Variants in INPP4B observed in about 807,000 individuals in gnomAD.
INPP4B encodes the protein inositol polyphosphate 4-phosphatase type II.
A neutral mutation model predicts 122.5 loss-of-function variants in INPP4B; 55 were observed. The ratio of observed to expected loss-of-function variants is 0.45; its 90% CI spans 0.36 to 0.56. INPP4B has a LOEUF of 0.56. Ranked by LOEUF, INPP4B falls within the 20% of genes least tolerant of loss-of-function variation. The probability of loss-of-function intolerance (pLI) is 0.00; values close to 1 mark genes in which losing one functional copy is unlikely to be tolerated. For synonymous variants in INPP4B, 403 were observed against 388.7 expected (o/e 1.04, Z -0.43); for missense variants, 1,000 against 1,097.7 (o/e 0.91, Z 1.26).
At chr4:142,640,543 T>C (rs987424647) in intron 2 of INPP4B, among the ~76,000 whole-genome samples, 1 of 151,978 alleles carries the variant, frequency 6.6e-6, no homozygotes, top group South Asian at 2.1e-4. Flanking sequence ...TACAGGGATA[T>C]AACATCAACA....
intron 8 of INPP4B, chr4:142,305,797 A>G (rs1763137205): frequency 8.1e-7 from 1 of 1,234,402 alleles, no homozygotes; most frequent in South Asian, 1.8e-5. Flanking sequence ...TACAGCACCC[A>G]GAGTTGTTTC....
intron 3 of INPP4B, among the ~76,000 whole-genome samples, chr4:142,450,982 C>CCG (rs1562127604): frequency 6.7e-6 from 1 of 149,922 alleles, no homozygotes; most frequent in East Asian, 2.0e-4. Flanking sequence ...AACTCCCCCC[C>CCG]CCAAAAAAAG....
At chr4:142,226,278 A>T (rs1333209985) in intron 12 of INPP4B, among the ~76,000 whole-genome samples, 1 of 151,668 alleles carries the variant, frequency 6.6e-6, no homozygotes, top group East Asian at 1.9e-4. Context: ...TACACATAGG[A>T]TCTCTATGCT....
intron 2 of INPP4B, among the ~76,000 whole-genome samples, chr4:142,512,939 C>G (rs1431577698): frequency 6.6e-6 from 1 of 152,150 alleles, no homozygotes; most frequent in Non-Finnish European, 1.5e-5. Context: ...AAGCTTTTCT[C>G]TATCAAATAT....
At chr4:142,727,842 C>T in intron 1 of INPP4B, among the ~76,000 whole-genome samples, 1 of 152,202 alleles carries the variant, frequency 6.6e-6, no homozygotes, top group East Asian at 1.9e-4. Context: ...TGCAGCACTG[C>T]ACTCCAGCTT....
chr4:142,243,496 G>A (rs1275652117), intron 11 of INPP4B, among the ~76,000 whole-genome samples: 1 of 152,218 alleles, frequency 6.6e-6, no homozygotes, highest in East Asian at 1.9e-4. Context: ...TAGGGAGGAA[G>A]TGAAAAGGAT....
intron 2 of INPP4B, among the ~76,000 whole-genome samples, chr4:142,630,477 T>C (rs947327190): frequency 6.6e-6 from 1 of 152,136 alleles, no homozygotes; most frequent in Non-Finnish European, 1.5e-5. Flanking sequence ...GTTTTTAACA[T>C]GTAAACTGAA....
chr4:142,834,354 C>A (rs1782530018), intron 1 of INPP4B, among the ~76,000 whole-genome samples: 1 of 152,146 alleles, frequency 6.6e-6, no homozygotes, highest in South Asian at 2.1e-4. Context: ...CTCCTTTCTA[C>A]TAACTACAAC....
intron 25 of INPP4B, among the ~76,000 whole-genome samples, chr4:142,076,800 T>C (rs1770993250): frequency 6.6e-6 from 1 of 152,104 alleles, no homozygotes; most frequent in South Asian, 2.1e-4. Flanking sequence ...ACAATGCTTA[T>C]ACTTCTCTTT....
intron 1 of INPP4B, among the ~76,000 whole-genome samples, chr4:142,787,825 G>C (rs578074382): frequency 2.0e-5 from 3 of 152,118 alleles, no homozygotes; most frequent in African/African-American, 7.2e-5. Flanking sequence ...TTTACAATAA[G>C]CACCAAGTAA....
intron 1 of INPP4B, among the ~76,000 whole-genome samples, chr4:142,800,201 T>A (rs1164602563): frequency 6.6e-6 from 1 of 152,108 alleles, no homozygotes; most frequent in Non-Finnish European, 1.5e-5. Flanking sequence ...GCCTTTTAGG[T>A]TGAATGTACG....
In INPP4B at chr4:142,173,708, G is replaced by A. The variant is rs2152951406; in HGVS notation, c.1283C>T (p.Ala428Val). The change falls in exon 16 of 26, where the codon GCA (alanine) becomes GTA (valine). Residue 428 changes from alanine to valine, a missense_variant. Coordinates refer to ENST00000262992, the MANE Select transcript of INPP4B (RefSeq NM_001101669.3). The part of the protein sequence containing the change: ...NQLQPLIATH[A>V]DLLLNSASQH... ...GCTTGCAGAATTAAGCAGTAGGTCTGCATGGGTTGCTATAAGAGGTTGTAG... is the reference window on the plus strand; with the variant it reads ...GCTTGCAGAATTAAGCAGTAGGTCTACATGGGTTGCTATAAGAGGTTGTAG... 1 of 1,613,306 alleles carries A rather than the reference G, an allele frequency of 6.2e-7. No individual in the cohort carries two copies.
chr4:142,083,753 C>T (rs1304265458), intron 24 of INPP4B, among the ~76,000 whole-genome samples: 2 of 152,080 alleles, frequency 1.3e-5, no homozygotes, highest in Non-Finnish European at 2.9e-5. Context: ...TCCATACAAT[C>T]TTTTTACATC....
rs903330735 is a variant in INPP4B at position 142,544,735 on chromosome 4, G to A, written c.-190-82009C>T. 2.0e-5 allele frequency among the ~76,000 whole-genome samples: 3 copies of A among 152,188 alleles called. No homozygotes were observed. In the South Asian group the frequency reaches 6.2e-4, roughly 32 times the overall value. On this transcript the variant is annotated intron_variant, in intron 2 of 25. Transcript: ENST00000262992. Reference sequence around the variant, plus strand: ...ACCATACTTGATTCCCCACAGACAGGTGGTCGATTGAGACTGCGCCTGCCA... The same window carrying A: ...ACCATACTTGATTCCCCACAGACAGATGGTCGATTGAGACTGCGCCTGCCA...
At chr4:142,203,531 G>A (rs1251184239) in intron 14 of INPP4B, among the ~76,000 whole-genome samples, 1 of 151,974 alleles carries the variant, frequency 6.6e-6, no homozygotes, top group African/African-American at 2.4e-5. Context: ...TGGGGTTTAT[G>A]TTTCATTCTT....
At chr4:142,672,119 G>T (rs2150636022) in intron 2 of INPP4B, among the ~76,000 whole-genome samples, 1 of 152,184 alleles carries the variant, frequency 6.6e-6, no homozygotes, top group African/African-American at 2.4e-5. Flanking sequence ...GTACTACTTT[G>T]TTATCAATTG....
At chr4:142,271,984 G>A (rs554266371) in intron 9 of INPP4B, among the ~76,000 whole-genome samples, 2 of 152,096 alleles carry the variant, frequency 1.3e-5, no homozygotes, top group Non-Finnish European at 2.9e-5. Flanking sequence ...TTTTTCACTT[G>A]AGCCTTTTGT....
chr4:142,446,154 A>T (rs1812872211), intron 3 of INPP4B, among the ~76,000 whole-genome samples: 1 of 151,968 alleles, frequency 6.6e-6, no homozygotes, highest in Non-Finnish European at 1.5e-5. Flanking sequence ...ATGTGTCATA[A>T]ACATAGCTGA....
At chr4:142,097,768 T>A (rs1782620725) in intron 23 of INPP4B, among the ~76,000 whole-genome samples, 1 of 152,182 alleles carries the variant, frequency 6.6e-6, no homozygotes, top group Admixed American at 6.5e-5. Flanking sequence ...CACTCAACAA[T>A]TATTAACAGA....
Sources: gnomAD v4.1 joint callset for allele counts (sites outside exome capture counted in the v4.1 genomes callset) on GRCh38, gnomAD v4.1.1 for gene constraint, MANE v1.5 for transcripts, NCBI Gene and HGNC (gene_info 2026-07-23, HGNC 2026-07-21) for gene names.